The following CRMP1 variants were observed in gnomAD, a reference collection of about 807,000 sequenced individuals.
The protein encoded by CRMP1 is collapsin response mediator protein 1.
In CRMP1, 19 loss-of-function variants were observed where a neutral mutation model predicts 68.3. That is an observed-to-expected ratio of 0.28 (90% CI 0.19 to 0.41). The LOEUF is 0.41. CRMP1 is among the 10% of genes least tolerant of loss of function. CRMP1 has a pLI of 1.00. For missense variants in CRMP1, 791 were observed against 967.4 expected, an observed-to-expected ratio of 0.82 and a Z score of 2.42; for synonymous variants, 439 against 399.6, an observed-to-expected ratio of 1.10 and a Z score of -1.18.
At chr4:5,828,991 A>G (rs568297004) in intron 11 of CRMP1, among the ~76,000 whole-genome samples, 1 of 152,132 alleles carries the variant, frequency 6.6e-6, no homozygotes, top group Non-Finnish European at 1.5e-5. Flanking sequence ...AATAAGTAAA[A>G]TGTTCTTCAT....
In CRMP1 at chr4:5,849,461, G is replaced by A; in HGVS notation, c.894C>T (p.Ala298=). Residue 298 remains alanine (A), a synonymous_variant, in exon 6 of 14, where the codon GCC becomes GCT. Coordinates refer to ENST00000324989, the MANE Select transcript of CRMP1 (RefSeq NM_001014809.3). ...YQMSDSQLYE[A]FTFLKGLGAV... ...CTCCCAGGCCCTTAAGGAAGGTAAAGGCTTCATAGAGCTATGGAGAGATAA... is the reference window on the plus strand; with the variant it reads ...CTCCCAGGCCCTTAAGGAAGGTAAAAGCTTCATAGAGCTATGGAGAGATAA... 1.2e-6 allele frequency: 2 copies of A among 1,613,210 alleles called. No homozygotes were observed. The highest frequency in any genetic ancestry group is 1.3e-5 in the African/African-American group (1 of 74,870).
At chr4:5,831,495 C>G (rs1036573195) in intron 11 of CRMP1, among the ~76,000 whole-genome samples, 1 of 152,110 alleles carries the variant, frequency 6.6e-6, no homozygotes, top group African/African-American at 2.4e-5. Context: ...ATTTGCTAAC[C>G]TAATTCTCCC....
At position 5,839,516 on chromosome 4, in the gene CRMP1, T is replaced by A. The variant is rs1176510843; in HGVS notation, c.1310+6A>T. ...TCCCCCAGCCCCACGTTCTCACAGG[T>A]CTCACCAGGCCAGTAGGGAGGTCAA... On this transcript the variant is annotated splice_donor_region_variant and intron_variant, in intron 9 of 13. Coordinates refer to ENST00000324989, the MANE Select transcript of CRMP1 (RefSeq NM_001014809.3). The A allele has an allele frequency of 6.2e-7, 1 of 1,603,640 alleles. No homozygotes were observed. Among genetic ancestry groups the A allele is most frequent in the African/African-American group, 1.3e-5 (1 of 74,782 alleles).
intron 1 of CRMP1, among the ~76,000 whole-genome samples, chr4:5,878,252 G>C (rs950215037): frequency 1.4e-5 from 2 of 144,726 alleles, no homozygotes; most frequent in Non-Finnish European, 3.1e-5. Flanking sequence ...TCGGTGGTGA[G>C]ACTAGTACAG....
chr4:5,889,965 T>C lies in CRMP1; in HGVS notation c.381+2624A>G, dbSNP rs896995397. 6.3e-6 allele frequency: 8 copies of C among 1,276,130 alleles called. No individual in the cohort carries two copies. Among genetic ancestry groups the C allele is most frequent in the Non-Finnish European group, 8.0e-6 (8 of 998,614 alleles). 79.1% of individuals were successfully genotyped at this position (1,276,130 alleles called of 1,614,324 possible). A position where few individuals can be genotyped will look rare whatever the true frequency, so the allele number is the denominator to read the frequency against. On this transcript the variant is annotated intron_variant, in intron 1 of 13. Transcript: ENST00000324989. The surrounding 1 kb of genome is among the most constrained non-coding windows in gnomAD (Gnocchi z 4.5). Reference sequence around the variant, plus strand: ...TGAGGCTTACAGAGGTAAAATGATGTACCCCGGGTGCAAAACATATTAGCT... The same window carrying C: ...TGAGGCTTACAGAGGTAAAATGATGCACCCCGGGTGCAAAACATATTAGCT...
At position 5,853,143 on chromosome 4, in the gene CRMP1, T is replaced by C. The variant is rs1712790381; in HGVS notation, c.821-1674A>G. Among the ~76,000 whole-genome samples, 1 of 152,226 alleles carries C rather than the reference T, an allele frequency of 6.6e-6. No homozygotes were observed. The highest frequency in any genetic ancestry group is 2.4e-5 in the African/African-American group (1 of 41,466). ...AAAATAAAAACACAGGTGGGAGCAG[T>C]GGCTCACGCCTGTAATCCCAGCAAT... On this transcript the variant is annotated intron_variant, in intron 4 of 13. Coordinates refer to ENST00000324989, the MANE Select transcript of CRMP1 (RefSeq NM_001014809.3). This position sits in a 1 kb window ranked among gnomAD's most constrained non-coding sequence, Gnocchi z 4.7.
rs542017641 is a variant in CRMP1 at position 5,834,752 on chromosome 4, C to T, written c.1623+1163G>A. On this transcript the variant is annotated intron_variant, in intron 11 of 13. Coordinates refer to ENST00000324989, the MANE Select transcript of CRMP1 (RefSeq NM_001014809.3). This position sits in a 1 kb window ranked among gnomAD's most constrained non-coding sequence, Gnocchi z 4.3. ...CAAGCCCTGCTGGACTGTACATGTG[C>T]GTGGCATAAACCTTTCTCCATGGGA... is the stretch of plus-strand genomic sequence containing the variant. 3.3e-5 allele frequency among the ~76,000 whole-genome samples: 5 copies of T among 152,256 alleles called. No homozygotes were observed. In the East Asian group the frequency reaches 7.7e-4, roughly 24 times the overall value.
intron 4 of CRMP1, among the ~76,000 whole-genome samples, chr4:5,852,428 C>T (rs769080330): frequency 9.9e-5 from 15 of 152,206 alleles, no homozygotes; most frequent in Non-Finnish European, 1.6e-4. Flanking sequence ...TAGAGAAGGA[C>T]GCACTAAAAT....
chr4:5,878,571 A>T (rs1462653619), intron 1 of CRMP1, among the ~76,000 whole-genome samples: 1 of 152,164 alleles, frequency 6.6e-6, no homozygotes, highest in Admixed American at 6.5e-5. Context: ...CTCTCTCATT[A>T]CATGCTCATT....
At chr4:5,829,259 C>T (rs1453562713) in intron 11 of CRMP1, among the ~76,000 whole-genome samples, 1 of 152,238 alleles carries the variant, frequency 6.6e-6, no homozygotes, top group African/African-American at 2.4e-5. Context: ...CACGGTGGCT[C>T]ATGCCTGTAC....
chr4:5,871,750 C>T (rs1714469473), intron 1 of CRMP1, among the ~76,000 whole-genome samples: 1 of 152,172 alleles, frequency 6.6e-6, no homozygotes, highest in South Asian at 2.1e-4. Context: ...AGATCCTTGC[C>T]TCTGCTGATA....
chr4:5,889,644 T>G lies in CRMP1; in HGVS notation c.381+2945A>C. 2 of 1,536,172 alleles carry G rather than the reference T, an allele frequency of 1.3e-6. No individual in the cohort carries two copies. The highest frequency in any genetic ancestry group is 1.7e-6 in the Non-Finnish European group (2 of 1,146,908). On this transcript the variant is annotated intron_variant, in intron 1 of 13. Coordinates refer to ENST00000324989, the MANE Select transcript of CRMP1 (RefSeq NM_001014809.3). The surrounding 1 kb of genome is among the most constrained non-coding windows in gnomAD (Gnocchi z 4.5). ...ACCAACCTTGTCCACCACTTCGTTG[T>G]TCATTTTCTGCATGCGAAATCCAAC...
At position 5,839,629 on chromosome 4, in the gene CRMP1, G is replaced by A; in HGVS notation, c.1203C>T (p.Gly401=). ...EPIAASLGTD[G]THYWSKNWAK... ...CCCAGTTCTTGCTCCAGTAATGGGTGCCATCGGTCCCCAGGCTGGCGGCAA... is the reference window on the plus strand; with the variant it reads ...CCCAGTTCTTGCTCCAGTAATGGGTACCATCGGTCCCCAGGCTGGCGGCAA... Residue 401 remains glycine, a synonymous_variant, in exon 9 of 14, where the codon GGC becomes GGT. Coordinates refer to ENST00000324989, the MANE Select transcript of CRMP1 (RefSeq NM_001014809.3). The A allele has an allele frequency of 6.2e-7, 1 of 1,613,212 alleles. No homozygotes were observed. The highest frequency in any genetic ancestry group is 8.5e-7 in the Non-Finnish European group (1 of 1,179,646).
In CRMP1 at chr4:5,888,431, G is replaced by A; in HGVS notation, c.381+4158C>T. 8.2e-7 allele frequency: 1 copy of A among 1,215,960 alleles called. No homozygotes were observed. Among genetic ancestry groups the A allele is most frequent in the Non-Finnish European group, 1.0e-6 (1 of 977,996 alleles). The allele number at this position is 1,215,960 out of a possible 1,614,324, so 75.3% of individuals were successfully genotyped here. On this transcript the variant is annotated intron_variant, in intron 1 of 13. Transcript: ENST00000324989. This position sits in a 1 kb window ranked among gnomAD's most constrained non-coding sequence, Gnocchi z 6.4. Reference sequence around the variant, plus strand: ...TGGATGCCCACGCGCGGCTGCCCCGGCTGCTCGGCCCGCCCGCCGCCGCTC... The same window carrying A: ...TGGATGCCCACGCGCGGCTGCCCCGACTGCTCGGCCCGCCCGCCGCCGCTC...
chr4:5,856,083 C>T (rs1713031892), intron 4 of CRMP1, 60 bp downstream of exon 4: 3 of 1,590,728 alleles, frequency 1.9e-6, no homozygotes, highest in South Asian at 2.3e-5. Context: ...TCCACATAAT[C>T]TTTGGATCTA....
rs1232064692 is a variant in CRMP1, at chr4:5,856,888, CCAT to C, written c.656-584_656-582del. The stretch of plus-strand genomic sequence containing the variant: ...ATCATCACCATCACCACCACCACCA[CCAT>C]CATCATCATTACTAACATTATCACC... On this transcript the variant is annotated intron_variant, in intron 3 of 13. Transcript: ENST00000324989. 5.0e-3 allele frequency among the ~76,000 whole-genome samples: 243 copies of C among 48,218 alleles called. 3 individuals carry two copies. The highest frequency in any genetic ancestry group is 9.9e-3 in the African/African-American group (126 of 12,764). 31.6% of individuals were successfully genotyped at this position (48,218 alleles called of 152,430 possible).
intron 11 of CRMP1, among the ~76,000 whole-genome samples, 171 bp from the exon 12 acceptor site, chr4:5,828,839 T>C (rs1720100730): frequency 6.6e-6 from 1 of 152,174 alleles, no homozygotes; most frequent in Non-Finnish European, 1.5e-5. Flanking sequence ...CCACAGTGTA[T>C]ATAACCAACA....
rs570117616 is a variant in CRMP1 at position 5,870,506 on chromosome 4, A to T, written c.382-3750T>A. Among the ~76,000 whole-genome samples, 7 of 152,318 alleles carry T rather than the reference A, an allele frequency of 4.6e-5. No individual in the cohort carries two copies. Among genetic ancestry groups the T allele is most frequent in the Admixed American group, 3.3e-4 (5 of 15,300 alleles). ...ACTAGACCGTGAGCTCCACGGAGGC[A>T]ACGGACTTTGTCCGTTTTCTTCACT... On this transcript the variant is annotated intron_variant, in intron 1 of 13. Coordinates refer to ENST00000324989, the MANE Select transcript of CRMP1 (RefSeq NM_001014809.3). The surrounding 1 kb of genome is among the most constrained non-coding windows in gnomAD (Gnocchi z 6.0).
intron 8 of CRMP1, among the ~76,000 whole-genome samples, chr4:5,840,575 C>T (rs527976111): frequency 1.8e-4 from 27 of 152,360 alleles, no homozygotes; most frequent in African/African-American, 6.5e-4. Context: ...AACCACCGGC[C>T]ACATGTGGCT....
Sources: allele counts gnomAD v4.1 joint callset (sites outside exome capture counted in the v4.1 genomes callset), GRCh38; gene constraint gnomAD v4.1.1; non-coding constraint Gnocchi (gnomAD v3.1); transcripts MANE v1.5; gene names NCBI Gene and HGNC (gene_info 2026-07-23, HGNC 2026-07-21).